The following NLGN4X variants were observed in gnomAD, a reference collection of about 807,000 sequenced individuals.
NLGN4X encodes the protein neuroligin-4, X-linked.
In NLGN4X, 3 loss-of-function variants were observed where a neutral mutation model predicts 40.3. That is an observed-to-expected ratio of 0.07 (90% CI 0.03 to 0.19). The LOEUF (loss-of-function observed/expected upper bound fraction) is 0.19. Ranked by LOEUF, NLGN4X falls within the 10% of genes least tolerant of loss-of-function variation. The pLI, the probability that NLGN4X is intolerant of heterozygous loss-of-function variation, is 1.00. For synonymous variants in NLGN4X, 270 were observed against 306.8 expected (o/e 0.88, Z 1.25); for missense variants, 382 against 708.3 (o/e 0.54, Z 5.23).
chrX:5,947,573 GA>G (rs1013800579), intron 3 of NLGN4X, among the ~76,000 whole-genome samples: 1 of 111,914 alleles, frequency 8.9e-6, no homozygotes, highest in Non-Finnish European at 1.9e-5. Flanking sequence ...AAATTTTGAG[GA>G]AAAAAATATA....
intron 2 of NLGN4X, 38 bp from the exon 3 acceptor site, chrX:6,029,470 A>C: frequency 1.7e-6 from 2 of 1,171,082 alleles, no homozygotes; most frequent in Non-Finnish European, 2.3e-6. Context: ...ACAATAAAGA[A>C]TCACACTGAC....
intron 2 of NLGN4X, among the ~76,000 whole-genome samples, chrX:6,117,907 G>C (rs1393638504): frequency 2.7e-5 from 3 of 111,541 alleles, no homozygotes; most frequent in Non-Finnish European, 5.6e-5. Flanking sequence ...AGACTTGGAA[G>C]AGAAGTGGGG....
intron 2 of NLGN4X, among the ~76,000 whole-genome samples, chrX:6,089,464 G>A (rs142633120): frequency 3.7e-3 from 417 of 112,600 alleles, no homozygotes; most frequent in African/African-American, 0.012. Context: ...CACAGCAGGT[G>A]TTCAATAAAT....
intron 1 of NLGN4X, among the ~76,000 whole-genome samples, chrX:6,178,963 TG>T: frequency 9.1e-6 from 1 of 109,855 alleles, no homozygotes; most frequent in East Asian, 2.9e-4. Flanking sequence ...CTGGGTGTGG[TG>T]GTGCATGCCT....
intron 2 of NLGN4X, among the ~76,000 whole-genome samples, chrX:6,077,870 A>C (rs937211562): frequency 1.8e-5 from 2 of 111,712 alleles, no homozygotes; most frequent in African/African-American, 6.5e-5. Flanking sequence ...GGCAAATGAC[A>C]AGAGATTGTT....
Position 5,997,586 on chromosome X carries a change from GTATA to G in NLGN4X, c.625+31690_625+31693del, listed in dbSNP as rs1273891334. On this transcript the variant is annotated intron_variant, in intron 3 of 5. Coordinates refer to ENST00000381095, the MANE Select transcript of NLGN4X (RefSeq NM_181332.3). ...ATTACATGTGTGTGTGTGTGTGTGTGTATATATATATACACATATATATATACAC... is the reference window on the plus strand; with the variant it reads ...ATTACATGTGTGTGTGTGTGTGTGTGTATATATACACATATATATATACAC... Among the ~76,000 whole-genome samples, 30 of 46,825 alleles carry G rather than the reference GTATA, an allele frequency of 6.4e-4. 1 individual carries two copies. The highest frequency in any genetic ancestry group is 2.1e-3 in the African/African-American group (30 of 14,448). The allele number at this position is 46,825 out of a possible 115,157, so 40.7% of individuals were successfully genotyped here. A position where few individuals can be genotyped will look rare whatever the true frequency, so the allele number is the denominator to read the frequency against.
chrX:6,212,730 A>C (rs1308713929), intron 1 of NLGN4X, among the ~76,000 whole-genome samples: 1 of 111,976 alleles, frequency 8.9e-6, no homozygotes, highest in Non-Finnish European at 1.9e-5. Context: ...CAAGCTGAGC[A>C]TCCATGAACC....
At chrX:6,165,314 G>A (rs1366114179) in intron 1 of NLGN4X, among the ~76,000 whole-genome samples, 1 of 111,546 alleles carries the variant, frequency 9.0e-6, no homozygotes, top group African/African-American at 3.3e-5. Flanking sequence ...GAAAAGAGTC[G>A]TAAAAGGAAG....
intron 3 of NLGN4X, chrX:5,991,318 C>T (rs1009988541): frequency 1.7e-4 from 69 of 410,055 alleles, no homozygotes; most frequent in Non-Finnish European, 2.9e-4. Flanking sequence ...TCCTCCTCTC[C>T]CTTCCCCCCA....
chrX:5,993,659 C>T (rs954640085), intron 3 of NLGN4X, among the ~76,000 whole-genome samples: 4 of 112,018 alleles, frequency 3.6e-5, no homozygotes, highest in African/African-American at 1.3e-4. Flanking sequence ...CTTGTTCAGG[C>T]CTTATGGGGC....
At chrX:5,951,971 T>G (rs1229010745) in intron 3 of NLGN4X, among the ~76,000 whole-genome samples, 1 of 112,190 alleles carries the variant, frequency 8.9e-6, no homozygotes, top group East Asian at 2.8e-4. Flanking sequence ...GGGAAAAAAG[T>G]TGGTCTTAAA....
chrX:5,903,831 C>T lies in NLGN4X; in HGVS notation c.847G>A (p.Ala283Thr), dbSNP rs766959779. 2.4e-5 allele frequency: 29 copies of T among 1,210,014 alleles called. No individual in the cohort carries two copies. The highest frequency in any genetic ancestry group is 3.2e-5 in the Non-Finnish European group (29 of 895,281). Reference sequence around the variant, plus strand: ...TAGTTCACTGCCCAGCTGGACAGGGCGGTGCCGCTCTGAATGATGGCCTTC... The same window carrying T: ...TAGTTCACTGCCCAGCTGGACAGGGTGGTGCCGCTCTGAATGATGGCCTTC... ...FQKAIIQSGT[A>T]LSSWAVNYQP... is the part of the protein sequence containing the mutation. Residue 283 changes from alanine to threonine, a missense_variant, in exon 5 of 6, where the codon GCC (alanine) becomes ACC (threonine). Ala to Thr is a moderately conservative substitution (Grantham distance 58). Around this residue, in one of 5 missense-constraint regions of NLGN4X, gnomAD observed 32 missense variants for 85.2 expected, o/e 0.38. Transcript: ENST00000381095.
intron 2 of NLGN4X, among the ~76,000 whole-genome samples, chrX:6,116,387 C>CTTTTTTTTTTTTTTT (rs2039294689): frequency 3.4e-5 from 1 of 29,533 alleles, no homozygotes; most frequent in African/African-American, 1.2e-4. Flanking sequence ...TTGAACCTTT[C>CTTTTTTTTTTTTTTT]TTTCTTTTTT....
At chrX:6,006,683 G>A (rs1184523581) in intron 3 of NLGN4X, among the ~76,000 whole-genome samples, 1 of 111,347 alleles carries the variant, frequency 9.0e-6, no homozygotes, top group East Asian at 2.8e-4. Flanking sequence ...GAAATTATAT[G>A]GCACTACAAA....
At chrX:5,997,494 T>A (rs1313679019) in intron 3 of NLGN4X, among the ~76,000 whole-genome samples, 1 of 106,598 alleles carries the variant, frequency 9.4e-6, no homozygotes, top group African/African-American at 3.4e-5. Context: ...TTCATAGTTT[T>A]AATATATATC....
chrX:6,221,280 G>T (rs1165442793), intron 1 of NLGN4X, among the ~76,000 whole-genome samples: 2 of 101,997 alleles, frequency 2.0e-5, no homozygotes, highest in Non-Finnish European at 4.0e-5. Context: ...GTGGAGTTGG[G>T]GTCTCACTCT....
chrX:5,903,748 G>A lies in NLGN4X; in HGVS notation c.930C>T (p.Asp310=). The change falls in exon 5 of 6, where the codon GAC becomes GAT. Residue 310 remains aspartate (D), a synonymous_variant. Coordinates refer to ENST00000381095, the MANE Select transcript of NLGN4X (RefSeq NM_181332.3). ...LADKVGCNML[D]TTDMVECLRN... is the part of the protein sequence containing the mutation. ...GCAGGCATTCTACCATGTCCGTGGT[G>A]TCCAGCATGTTGCAGCCGACCTTGT... is the stretch of plus-strand genomic sequence containing the variant. 8.3e-7 allele frequency: 1 copy of A among 1,211,852 alleles called. No homozygotes were observed. Among genetic ancestry groups the A allele is most frequent in the African/African-American group, 1.7e-5 (1 of 57,813 alleles).
At chrX:6,150,412 C>A (rs2040139975) in intron 2 of NLGN4X, among the ~76,000 whole-genome samples, 1 of 112,051 alleles carries the variant, frequency 8.9e-6, no homozygotes, top group Non-Finnish European at 1.9e-5. Flanking sequence ...CACTTGATTG[C>A]AGCGAATATT....
intron 2 of NLGN4X, among the ~76,000 whole-genome samples, chrX:6,033,071 A>G (rs185779262): frequency 8.9e-6 from 1 of 111,869 alleles, no homozygotes; most frequent in African/African-American, 3.2e-5. Flanking sequence ...AGTTGTTTTA[A>G]AAAAAGAAAA....
Sources: gnomAD v4.1 joint callset for allele counts (sites outside exome capture counted in the v4.1 genomes callset) on GRCh38, gnomAD v4.1.1 for gene constraint, gnomAD v4.1.1 regional missense constraint, MANE v1.5 for transcripts, NCBI Gene and HGNC (gene_info 2026-07-23, HGNC 2026-07-21) for gene names.